The following PRKG1 variants were observed in gnomAD, a reference collection of about 807,000 sequenced individuals.
The protein encoded by PRKG1 is protein kinase cGMP-dependent 1.
Under a neutral mutation model 88.1 loss-of-function variants are expected in PRKG1, and 35 were observed. The observed-to-expected ratio is 0.40, with a 90% CI of 0.30 to 0.53. The LOEUF (loss-of-function observed/expected upper bound fraction) is 0.53. PRKG1 is among the 20% of genes least tolerant of loss of function. The pLI is 0.59. For synonymous variants in PRKG1, 303 were observed against 292.5 expected (o/e 1.04, Z -0.37); for missense variants, 540 against 839.8 (o/e 0.64, Z 4.41).
intron 2 of PRKG1, among the ~76,000 whole-genome samples, chr10:51,298,046 A>C (rs1032867847): frequency 1.3e-5 from 2 of 152,246 alleles, no homozygotes; most frequent in South Asian, 2.1e-4. Flanking sequence ...TTCCTTCATC[A>C]GTTCTTGTTA....
chr10:51,481,146 T>C (rs1840343692), intron 3 of PRKG1, among the ~76,000 whole-genome samples: 1 of 152,176 alleles, frequency 6.6e-6, no homozygotes, highest in African/African-American at 2.4e-5. Flanking sequence ...TGACTATTTC[T>C]TTAGCATGAG....
At chr10:52,280,657 A>AGTGATCTCTGGGTTAAAT in intron 12 of PRKG1, 132 bp from the exon 13 acceptor site, 1 of 944,968 alleles carries the variant, frequency 1.1e-6, no homozygotes, top group South Asian at 1.6e-5. Context: ...ATCATGTAAC[A>AGTGATCTCTGGGTTAAAT]TTTAGCTAGC....
At chr10:51,311,283 G>C (rs561012555) in intron 2 of PRKG1, among the ~76,000 whole-genome samples, 2 of 152,196 alleles carry the variant, frequency 1.3e-5, no homozygotes, top group African/African-American at 4.8e-5. Flanking sequence ...GATTGTCTGT[G>C]CTCAACTGTA....
At chr10:52,275,161 G>A (rs992960239) in intron 12 of PRKG1, among the ~76,000 whole-genome samples, 13 of 151,920 alleles carry the variant, frequency 8.6e-5, no homozygotes, top group Non-Finnish European at 1.3e-4. Context: ...TGTTCCTTTC[G>A]CCATGCAAAA....
chr10:51,065,146 G>A (rs928306051), intron 1 of PRKG1, among the ~76,000 whole-genome samples: 1 of 152,072 alleles, frequency 6.6e-6, no homozygotes, highest in African/African-American at 2.4e-5. Flanking sequence ...TATGTATTAA[G>A]AAGCACTAGT....
At chr10:51,798,970 C>T (rs1040424303) in intron 3 of PRKG1, among the ~76,000 whole-genome samples, 3 of 152,028 alleles carry the variant, frequency 2.0e-5, no homozygotes, top group Non-Finnish European at 4.4e-5. Context: ...TTCCCTCTAC[C>T]TGACTTTTCC....
chr10:51,887,010 A>G (rs1841586693), intron 4 of PRKG1, among the ~76,000 whole-genome samples: 1 of 152,152 alleles, frequency 6.6e-6, no homozygotes, highest in Non-Finnish European at 1.5e-5. Flanking sequence ...TTTTTGAGAC[A>G]GAGTCTCACT....
At chr10:52,245,077 A>C (rs1418506713) in intron 9 of PRKG1, among the ~76,000 whole-genome samples, 1 of 150,974 alleles carries the variant, frequency 6.6e-6, no homozygotes, top group Non-Finnish European at 1.5e-5. Context: ...GCTTTATTAA[A>C]TCAGGAACAA....
At chr10:51,498,083 G>A (rs184556408) in intron 3 of PRKG1, among the ~76,000 whole-genome samples, 251 of 152,268 alleles carry the variant, frequency 1.6e-3, no homozygotes, top group Non-Finnish European at 2.9e-3. Context: ...CTTGTTCATG[G>A]GTTAGTGCTA....
At chr10:51,431,455 G>A (rs1433488908) in intron 2 of PRKG1, among the ~76,000 whole-genome samples, 1 of 152,196 alleles carries the variant, frequency 6.6e-6, no homozygotes, top group East Asian at 1.9e-4. Flanking sequence ...CTGAGAGGCA[G>A]TCCTCAGTTG....
intron 1 of PRKG1, among the ~76,000 whole-genome samples, chr10:51,113,806 TAACTC>T (rs1057494859): frequency 1.4e-5 from 2 of 145,040 alleles, no homozygotes; most frequent in African/African-American, 5.2e-5. Context: ...TTGCCAAACA[TAACTC>T]AATTCCATTG....
chr10:51,143,704 A>G (rs1845875926), intron 1 of PRKG1, among the ~76,000 whole-genome samples: 1 of 151,966 alleles, frequency 6.6e-6, no homozygotes, highest in Non-Finnish European at 1.5e-5. Flanking sequence ...TTTGATTTGC[A>G]TTTTCCTGAA....
At chr10:51,215,527 A>G (rs139252221) in intron 2 of PRKG1, among the ~76,000 whole-genome samples, 161 of 152,316 alleles carry the variant, frequency 1.1e-3, no homozygotes, top group African/African-American at 3.8e-3. Context: ...CTGAGGGGCA[A>G]GCTTGGGGAG....
chr10:52,177,298 T>C (rs182419489), intron 9 of PRKG1, among the ~76,000 whole-genome samples: 2 of 152,298 alleles, frequency 1.3e-5, no homozygotes, highest in African/African-American at 4.8e-5. Flanking sequence ...GTTGATGGTA[T>C]GTATGACATT....
At chr10:51,853,716 C>T (rs1840613120) in intron 4 of PRKG1, among the ~76,000 whole-genome samples, 2 of 152,066 alleles carry the variant, frequency 1.3e-5, no homozygotes, top group Admixed American at 1.3e-4. Context: ...CTGTGCTCTG[C>T]AGGCAGGCAT....
chr10:51,589,491 G>T (rs1838254820), intron 3 of PRKG1, among the ~76,000 whole-genome samples: 1 of 152,112 alleles, frequency 6.6e-6, no homozygotes, highest in Non-Finnish European at 1.5e-5. Flanking sequence ...GGGTGTGGTG[G>T]CATGTGCCTG....
At chr10:52,202,666 T>C (rs1839708983) in intron 9 of PRKG1, among the ~76,000 whole-genome samples, 1 of 152,156 alleles carries the variant, frequency 6.6e-6, no homozygotes, top group African/African-American at 2.4e-5. Flanking sequence ...GGGCTTTTTT[T>C]TTTGGTTAAT....
At chr10:51,415,684 C>G (rs896396322) in intron 2 of PRKG1, among the ~76,000 whole-genome samples, 2 of 152,106 alleles carry the variant, frequency 1.3e-5, no homozygotes, top group Non-Finnish European at 2.9e-5. Context: ...TCAGAAGGCA[C>G]ATGAGTGGCA....
chr10:51,153,094 G>T, intron 1 of PRKG1, 70 bp from the exon 2 acceptor site: 2 of 1,428,232 alleles, frequency 1.4e-6, no homozygotes, highest in East Asian at 2.4e-5. Flanking sequence ...ACTCTATGGC[G>T]CTGCTAAACC....
Sources: allele counts gnomAD v4.1 joint callset (sites outside exome capture counted in the v4.1 genomes callset), GRCh38; gene constraint gnomAD v4.1.1; transcripts MANE v1.5; gene names NCBI Gene and HGNC (gene_info 2026-07-23, HGNC 2026-07-21).